RALGAPA1: variants seen among roughly 807,000 people sequenced by gnomAD.
RALGAPA1 encodes ral GTPase-activating protein subunit alpha-1.
RALGAPA1 carries 52 observed loss-of-function variants against 269.6 expected under a neutral mutation model. That is an observed-to-expected ratio of 0.19 (90% confidence interval 0.15 to 0.24). The LOEUF is 0.24. Among genes scored for constraint, RALGAPA1 ranks in the 10% least tolerant of loss-of-function variants. The pLI, the probability that RALGAPA1 is intolerant of heterozygous loss-of-function variation, is 1.00. For synonymous variants in RALGAPA1, 817 were observed against 1,008.3 expected (o/e 0.81, Z 3.60); for missense variants, 1,917 against 3,013.9 (o/e 0.64, Z 8.52).
At chr14:35,779,368 T>TA (rs1567214534) in intron 1 of RALGAPA1, among the ~76,000 whole-genome samples, 1 of 151,680 alleles carries the variant, frequency 6.6e-6, no homozygotes, top group Admixed American at 6.6e-5. Flanking sequence ...TCTACAAAAC[T>TA]AAAAAATCAG....
At chr14:35,637,515 T>C (rs1263956326) in intron 31 of RALGAPA1, among the ~76,000 whole-genome samples, 1 of 151,396 alleles carries the variant, frequency 6.6e-6, no homozygotes, top group Non-Finnish European at 1.5e-5. Context: ...TATTTGAAAA[T>C]ACACAGTCAG....
chr14:35,671,792 A>C (rs1237647185), intron 25 of RALGAPA1, among the ~76,000 whole-genome samples: 1 of 152,202 alleles, frequency 6.6e-6, no homozygotes, highest in Non-Finnish European at 1.5e-5. Context: ...TTTGCTTCAC[A>C]AGGTTAAAAG....
chr14:35,602,165 C>T (rs760612552), intron 36 of RALGAPA1, among the ~76,000 whole-genome samples: 2 of 152,094 alleles, frequency 1.3e-5, no homozygotes, highest in African/African-American at 2.4e-5. Flanking sequence ...TTTTTATGAC[C>T]GAATAATATT....
At chr14:35,594,686 A>G (rs888755930) in intron 37 of RALGAPA1, among the ~76,000 whole-genome samples, 1 of 151,664 alleles carries the variant, frequency 6.6e-6, no homozygotes, top group Non-Finnish European at 1.5e-5. Flanking sequence ...ACACTAGTAC[A>G]CTGTTGGTAG....
chr14:35,728,447 G>C lies in RALGAPA1; in HGVS notation c.1651C>G (p.Leu551Val), dbSNP rs1191060463. Residue 551 changes from leucine (L) to valine (V), a missense_variant, in exon 13 of 42, where the codon CTG becomes GTG. By Grantham distance (32) the Leu-to-Val change is conservative. This residue lies in a region of RALGAPA1 where 462 missense variants were observed against 725.6 expected (regional missense o/e 0.64). Transcript: ENST00000680220. The stretch of plus-strand genomic sequence containing the variant: ...TTACACATATCTGTGTGTTCATCCA[G>C]AAGATTTTTTATTTCATTTGCAGGT... ...LEPANEIKNL[L>V]DEHTDMCKRI... 26 of 1,609,758 alleles carry C rather than the reference G, an allele frequency of 1.6e-5. No homozygotes were observed. The highest frequency in any genetic ancestry group is 2.2e-5 in the Non-Finnish European group (26 of 1,178,456).
chr14:35,625,793 C>T (rs1380481426), intron 34 of RALGAPA1, among the ~76,000 whole-genome samples: 1 of 152,180 alleles, frequency 6.6e-6, no homozygotes, highest in Admixed American at 6.5e-5. Flanking sequence ...AAAATATTCA[C>T]AGAATCTATA....
intron 4 of RALGAPA1, among the ~76,000 whole-genome samples, chr14:35,770,232 G>A (rs774679911): frequency 6.2e-4 from 94 of 152,230 alleles, no homozygotes; most frequent in Non-Finnish European, 1.2e-3. Context: ...GCACATTTAT[G>A]ATTAAAAACT....
At chr14:35,545,977 G>A (rs1282126215) in intron 41 of RALGAPA1, among the ~76,000 whole-genome samples, 1 of 152,002 alleles carries the variant, frequency 6.6e-6, no homozygotes, top group Non-Finnish European at 1.5e-5. Context: ...GCCTGACAAA[G>A]ATAAAGGGAT....
At chr14:35,542,047 A>T in intron 41 of RALGAPA1, 1 of 1,223,206 alleles carries the variant, frequency 8.2e-7, no homozygotes, top group Non-Finnish European at 1.1e-6. Flanking sequence ...AACAAGTTCA[A>T]ATAGGAAAAA....
Position 35,775,018 on chromosome 14 carries a change from A to G in RALGAPA1, c.255T>C (p.Leu85=). ...CAGAAGCACTTACCTCAAAAATAAA[A>G]AGTATAGCATCCAATTCCTCTCTTT... ...KSQREELDAI[L]FIFEKILQLL... is the part of the protein sequence containing the mutation. Residue 85 remains leucine, a synonymous_variant, in exon 3 of 42, where the codon CTT becomes CTC. Transcript: ENST00000680220. 1 of 1,574,840 alleles carries G rather than the reference A, an allele frequency of 6.3e-7. No individual in the cohort carries two copies. The highest frequency in any genetic ancestry group is 1.8e-5 in the Admixed American group (1 of 56,012).
chr14:35,579,318 T>C (rs879532971), intron 37 of RALGAPA1, among the ~76,000 whole-genome samples: 25 of 152,088 alleles, frequency 1.6e-4, no homozygotes, highest in Non-Finnish European at 3.2e-4. Context: ...AATCACGTAG[T>C]GCCATAGTGA....
At chr14:35,758,668 G>C (rs181754524) in intron 6 of RALGAPA1, among the ~76,000 whole-genome samples, 3 of 152,208 alleles carry the variant, frequency 2.0e-5, no homozygotes, top group Admixed American at 2.0e-4. Context: ...GAGCCCAAGA[G>C]TTCAAGGCTA....
chr14:35,714,386 T>C (rs1219714129), intron 16 of RALGAPA1, among the ~76,000 whole-genome samples: 1 of 152,228 alleles, frequency 6.6e-6, no homozygotes, highest in Non-Finnish European at 1.5e-5. Flanking sequence ...CTCTGATAGC[T>C]AGTGTTTCTG....
At position 35,671,489 on chromosome 14, in the gene RALGAPA1, C is replaced by T. The variant is rs1472888128; in HGVS notation, c.5102G>A (p.Cys1701Tyr). Residue 1701 changes from cysteine (C) to tyrosine (Y), a missense_variant, in exon 26 of 42, where the codon TGC (cysteine) becomes TAC (tyrosine). Transcript: ENST00000680220. ...ACCAAGTGAAAAAAATTGAGGTGAG[C>T]AGTGTTTGATGATTGTATTGACAAT... ...QDIVNTIIKH[C>Y]SPQFFSLGLP... is the part of the protein sequence containing the mutation. 9 of 1,581,534 alleles carry T rather than the reference C, an allele frequency of 5.7e-6. No individual in the cohort carries two copies. Among genetic ancestry groups the T allele is most frequent in the Non-Finnish European group, 7.8e-6 (9 of 1,151,078 alleles).
At chr14:35,717,220 G>T (rs1232994960) in intron 16 of RALGAPA1, among the ~76,000 whole-genome samples, 2 of 151,886 alleles carry the variant, frequency 1.3e-5, no homozygotes, top group South Asian at 4.1e-4. Flanking sequence ...GTGCGATCTC[G>T]GCCCACTGCA....
intron 36 of RALGAPA1, among the ~76,000 whole-genome samples, chr14:35,605,123 G>C (rs1284925511): frequency 6.6e-6 from 1 of 152,134 alleles, no homozygotes; most frequent in Non-Finnish European, 1.5e-5. Context: ...TAGGATTTGG[G>C]ATGGGTAAGC....
chr14:35,785,325 AAAT>A (rs1250717079), intron 1 of RALGAPA1, among the ~76,000 whole-genome samples: 28 of 152,342 alleles, frequency 1.8e-4, no homozygotes, highest in African/African-American at 6.5e-4. Context: ...TGAAATCTGA[AAAT>A]GATGGATCTG....
chr14:35,775,826 C>G, intron 1 of RALGAPA1, 81 bp from the exon 2 acceptor site: 1 of 1,308,640 alleles, frequency 7.6e-7, no homozygotes, highest in Non-Finnish European at 9.9e-7. Context: ...AAGTTTCCTT[C>G]AAAGTCAAAG....
chr14:35,576,028 T>A (rs1012939147), intron 37 of RALGAPA1, among the ~76,000 whole-genome samples: 1 of 152,240 alleles, frequency 6.6e-6, no homozygotes, highest in African/African-American at 2.4e-5. Flanking sequence ...TTTTCTGTTA[T>A]CTGAAGATCA....
Sources: gnomAD v4.1 joint callset for allele counts (sites outside exome capture counted in the v4.1 genomes callset) on GRCh38, gnomAD v4.1.1 for gene constraint, gnomAD v4.1.1 regional missense constraint, MANE v1.5 for transcripts, NCBI Gene and HGNC (gene_info 2026-07-23, HGNC 2026-07-21) for gene names.